PDE4D: variants seen among roughly 807,000 people sequenced by gnomAD.
PDE4D encodes the protein phosphodiesterase 4D, also known as 3',5'-cyclic-AMP phosphodiesterase 4D.
Under a neutral mutation model 87.4 loss-of-function variants are expected in PDE4D, and 24 were observed. The ratio of observed to expected loss-of-function variants is 0.27; its 90% CI spans 0.20 to 0.39. The LOEUF (loss-of-function observed/expected upper bound fraction) is 0.39. Ranked by LOEUF, PDE4D falls within the 10% of genes least tolerant of loss-of-function variation. PDE4D has a pLI of 1.00. For missense variants in PDE4D, 714 were observed against 1,041.0 expected (o/e 0.69, Z 4.32); for synonymous variants, 384 against 383.2 (o/e 1.00, Z -0.02).
intron 1 of PDE4D, among the ~76,000 whole-genome samples, chr5:60,297,738 G>T (rs1753537619): frequency 6.6e-6 from 1 of 152,184 alleles, no homozygotes; most frequent in Non-Finnish European, 1.5e-5. Flanking sequence ...AAAGTGTTTT[G>T]ATTCATAAAT....
At chr5:59,501,027 A>T (rs1808205970) in intron 1 of PDE4D, among the ~76,000 whole-genome samples, 1 of 152,124 alleles carries the variant, frequency 6.6e-6, no homozygotes, top group Non-Finnish European at 1.5e-5. Flanking sequence ...TCACATTATC[A>T]CTTTTGAATC....
intron 1 of PDE4D, among the ~76,000 whole-genome samples, chr5:59,517,053 T>A (rs1042684478): frequency 6.6e-6 from 1 of 152,214 alleles, no homozygotes; most frequent in African/African-American, 2.4e-5. Context: ...ATGTAAAATA[T>A]TAAACTCTTC....
chr5:60,053,568 G>C (rs886551529), intron 2 of PDE4D, among the ~76,000 whole-genome samples: 1 of 152,038 alleles, frequency 6.6e-6, no homozygotes, highest in African/African-American at 2.4e-5. Flanking sequence ...TTAAACATAA[G>C]ACCTAAAACC....
intron 1 of PDE4D, among the ~76,000 whole-genome samples, chr5:60,436,758 A>G (rs987839179): frequency 6.6e-6 from 1 of 152,074 alleles, no homozygotes; most frequent in Non-Finnish European, 1.5e-5. Context: ...CACTACCCAC[A>G]GAACTTATGC....
At chr5:59,338,874 C>G (rs1265466867) in intron 1 of PDE4D, among the ~76,000 whole-genome samples, 1 of 152,010 alleles carries the variant, frequency 6.6e-6, no homozygotes, top group Non-Finnish European at 1.5e-5. Flanking sequence ...ACATTTTTAG[C>G]ATAATTTAGA....
intron 2 of PDE4D, among the ~76,000 whole-genome samples, chr5:60,176,380 A>G (rs563845564): frequency 3.9e-5 from 6 of 152,186 alleles, no homozygotes; most frequent in African/African-American, 1.4e-4. Context: ...GGTAGTTTGT[A>G]TAGATTTTTC....
chr5:59,337,558 G>T (rs1561985946), intron 1 of PDE4D, among the ~76,000 whole-genome samples: 1 of 152,068 alleles, frequency 6.6e-6, no homozygotes, highest in Non-Finnish European at 1.5e-5. Flanking sequence ...CACTGTACAT[G>T]ATTATCTCAC....
chr5:60,132,728 C>A (rs1779689491), intron 2 of PDE4D, among the ~76,000 whole-genome samples: 1 of 151,958 alleles, frequency 6.6e-6, no homozygotes, highest in South Asian at 2.1e-4. Flanking sequence ...ACTATGGTTA[C>A]ATTTAAAATA....
intron 1 of PDE4D, among the ~76,000 whole-genome samples, chr5:59,764,198 T>C (rs1391975749): frequency 6.6e-6 from 1 of 152,138 alleles, no homozygotes; most frequent in Admixed American, 6.5e-5. Flanking sequence ...AGTAATCATC[T>C]AGAAATTTAA....
At chr5:59,460,386 G>A (rs1321483237) in intron 1 of PDE4D, among the ~76,000 whole-genome samples, 2 of 152,072 alleles carry the variant, frequency 1.3e-5, no homozygotes, top group Non-Finnish European at 2.9e-5. Context: ...TAAATTACTT[G>A]GGAAAAGGCA....
At chr5:59,235,728 G>A (rs1756268932) in intron 1 of PDE4D, among the ~76,000 whole-genome samples, 2 of 152,178 alleles carry the variant, frequency 1.3e-5, no homozygotes, top group South Asian at 4.1e-4. Context: ...TTGCTGAAAT[G>A]AATGGATGTG....
intron 5 of PDE4D, among the ~76,000 whole-genome samples, chr5:59,173,799 C>G (rs957038355): frequency 2.0e-5 from 3 of 152,248 alleles, no homozygotes; most frequent in Admixed American, 2.0e-4. Context: ...CTCTTGTCTT[C>G]CCTATACACT....
rs115046216 is a variant in PDE4D, at chr5:59,908,247, G to A, written c.272+80241C>T. ...TGAAGGCAATCTACACAAGTACTCA[G>A]ATGTCATTAATGAAAAAGGCAAACA... On this transcript the variant is annotated intron_variant, in intron 3 of 16. Coordinates refer to the PDE4D transcript ENST00000502484. Among the ~76,000 whole-genome samples the A allele has an allele frequency of 4.0e-3, 605 of 152,166 alleles. 4 individuals are homozygous for A. Among genetic ancestry groups the A allele is most frequent in the African/African-American group, 0.014 (581 of 41,520 alleles).
intron 11 of PDE4D, among the ~76,000 whole-genome samples, chr5:58,982,684 C>T (rs867652726): frequency 2.0e-5 from 3 of 152,254 alleles, no homozygotes; most frequent in Middle Eastern, 6.8e-3. Context: ...TGGTGGATTG[C>T]GCACTTAGCA....
intron 1 of PDE4D, among the ~76,000 whole-genome samples, chr5:59,641,831 CTAATA>C (rs1386015444): frequency 2.6e-5 from 4 of 152,102 alleles, no homozygotes; most frequent in Admixed American, 1.3e-4. Flanking sequence ...AAAGTAGACA[CTAATA>C]TATTACTGAA....
chr5:59,585,028 G>C (rs1451152004), intron 1 of PDE4D, among the ~76,000 whole-genome samples: 1 of 152,152 alleles, frequency 6.6e-6, no homozygotes, highest in East Asian at 1.9e-4. Flanking sequence ...TGGCACCAAG[G>C]CTCCCCCTGA....
intron 1 of PDE4D, among the ~76,000 whole-genome samples, chr5:60,350,954 G>T (rs1206640841): frequency 6.6e-6 from 1 of 152,024 alleles, no homozygotes; most frequent in East Asian, 1.9e-4. Context: ...GTGTGCCAAA[G>T]AATTCCAGCT....
chr5:59,828,500 A>G (rs935103100), intron 1 of PDE4D, among the ~76,000 whole-genome samples: 1 of 152,038 alleles, frequency 6.6e-6, no homozygotes, highest in Non-Finnish European at 1.5e-5. Flanking sequence ...TTCAGGAGGT[A>G]TCTATGCCTC....
intron 1 of PDE4D, among the ~76,000 whole-genome samples, chr5:60,300,164 T>C (rs753044220): frequency 4.4e-4 from 67 of 152,232 alleles, no homozygotes; most frequent in Non-Finnish European, 7.8e-4. Flanking sequence ...CTGAGCTTTT[T>C]TTCAGATGCT....
Sources: gnomAD v4.1 joint callset for allele counts (sites outside exome capture counted in the v4.1 genomes callset) on GRCh38, gnomAD v4.1.1 for gene constraint, MANE v1.5 for transcripts, NCBI Gene and HGNC (gene_info 2026-07-23, HGNC 2026-07-21) for gene names.